The following ARHGAP24 variants were observed in gnomAD, a reference collection of about 807,000 sequenced individuals.
ARHGAP24 encodes the protein Rho GTPase activating protein 24.
Under a neutral mutation model 76.4 loss-of-function variants are expected in ARHGAP24, and 50 were observed. The observed-to-expected ratio is 0.65, with a 90% CI of 0.52 to 0.83. The LOEUF (loss-of-function observed/expected upper bound fraction) is 0.83. Ranked by LOEUF, ARHGAP24 falls within the 40% of genes least tolerant of loss-of-function variation. ARHGAP24 has a pLI of 0.00. For missense variants in ARHGAP24, 930 were observed against 914.2 expected, an observed-to-expected ratio of 1.02 and a Z score of -0.22; for synonymous variants, 345 against 323.3, an observed-to-expected ratio of 1.07 and a Z score of -0.72.
intron 1 of ARHGAP24, among the ~76,000 whole-genome samples, chr4:85,560,294 G>T (rs55856244): frequency 0.019 from 2,897 of 151,730 alleles, 92 homozygotes; most frequent in African/African-American, 0.066. Context: ...TTTCTCTCTA[G>T]TTGAATTAAA....
At chr4:85,854,717 G>A (rs1473871924) in intron 3 of ARHGAP24, among the ~76,000 whole-genome samples, 1 of 152,186 alleles carries the variant, frequency 6.6e-6, no homozygotes, top group African/African-American at 2.4e-5. Flanking sequence ...TTCTGAGCCA[G>A]AGAGTGAGTT....
At chr4:85,690,320 T>C (rs1334808297) in intron 2 of ARHGAP24, among the ~76,000 whole-genome samples, 3 of 152,310 alleles carry the variant, frequency 2.0e-5, no homozygotes, top group South Asian at 4.1e-4. Flanking sequence ...TGATTCCAGC[T>C]CATAGAATGA....
chr4:85,768,650 C>T (rs929256828), intron 3 of ARHGAP24, among the ~76,000 whole-genome samples: 1 of 151,990 alleles, frequency 6.6e-6, no homozygotes, highest in African/African-American at 2.4e-5. Flanking sequence ...TGGTGGCGCA[C>T]GCCTGTATCC....
At chr4:85,485,376 A>AAAT (rs1723001883) in intron 1 of ARHGAP24, among the ~76,000 whole-genome samples, 1 of 45,060 alleles carries the variant, frequency 2.2e-5, no homozygotes, top group Non-Finnish European at 3.7e-5. Context: ...AAAAAAAAAA[A>AAAT]ATATATATAT....
intron 5 of ARHGAP24, among the ~76,000 whole-genome samples, chr4:85,954,883 G>A (rs930643698): frequency 9.8e-5 from 15 of 152,342 alleles, no homozygotes; most frequent in African/African-American, 3.6e-4. Flanking sequence ...GGTGGCGCAT[G>A]CCTGTAATCC....
chr4:85,722,876 A>G (rs1457869672), intron 3 of ARHGAP24, among the ~76,000 whole-genome samples: 1 of 152,138 alleles, frequency 6.6e-6, no homozygotes, highest in Non-Finnish European at 1.5e-5. Context: ...TTTTTCCTAT[A>G]TTTATATTAA....
intron 3 of ARHGAP24, chr4:85,723,686 C>A (rs1241547684): frequency 6.6e-6 from 1 of 152,102 alleles, no homozygotes; most frequent in Non-Finnish European, 1.5e-5. Context: ...TTTTATAATT[C>A]TAAATCATCT....
intron 3 of ARHGAP24, among the ~76,000 whole-genome samples, chr4:85,906,906 T>C (rs1473010): frequency 0.65 from 98,239 of 151,924 alleles, 32,544 homozygotes; most frequent in East Asian, 0.99. Flanking sequence ...ATTTGTAAAT[T>C]GGGGAGACAT....
intron 3 of ARHGAP24, among the ~76,000 whole-genome samples, chr4:85,867,926 C>T (rs1400165111): frequency 3.4e-5 from 3 of 88,808 alleles, no homozygotes; most frequent in Non-Finnish European, 4.8e-5. Context: ...TGTACACACA[C>T]ACAAACCAAA....
In ARHGAP24 at chr4:85,941,620, A is replaced by G. The variant is rs538448560; in HGVS notation, c.392-446A>G. The stretch of plus-strand genomic sequence containing the variant: ...CAACTTGAGTAAAAACAAAAGGGGA[A>G]AAAAGAAATAGGATTTAAATGCAAA... On this transcript the variant is annotated intron_variant, in intron 4 of 9. Coordinates refer to ENST00000395184, the MANE Select transcript of ARHGAP24 (RefSeq NM_001025616.3). Among the ~76,000 whole-genome samples, 135 of 152,336 alleles carry G rather than the reference A, an allele frequency of 8.9e-4. 7 individuals are homozygous for G. The South Asian group carries it at 0.027, about 30-fold the overall frequency.
intron 1 of ARHGAP24, among the ~76,000 whole-genome samples, chr4:85,541,902 A>G (rs909455253): frequency 1.3e-5 from 2 of 152,002 alleles, no homozygotes; most frequent in African/African-American, 4.8e-5. Flanking sequence ...GACCTAGTAC[A>G]CTATTAGAAA....
At chr4:85,691,600 T>G (rs769593061) in intron 2 of ARHGAP24, among the ~76,000 whole-genome samples, 25 of 152,218 alleles carry the variant, frequency 1.6e-4, no homozygotes, top group Non-Finnish European at 8.8e-5. Context: ...GATGCCCTTC[T>G]TTGTCCTTCT....
rs1723050787 is a variant in ARHGAP24 at position 85,678,066 on chromosome 4, A to T, written c.181-43819A>T. 3.3e-5 allele frequency among the ~76,000 whole-genome samples: 5 copies of T among 151,846 alleles called. 1 individual carries two copies. In the South Asian group the frequency reaches 1.0e-3, roughly 32 times the overall value. On this transcript the variant is annotated intron_variant, in intron 2 of 9. Coordinates refer to ENST00000395184, the MANE Select transcript of ARHGAP24 (RefSeq NM_001025616.3). ...GAAAAAAAAAAGAAAAAGGAAAAAA[A>T]TTTTAAAAAAAGGCTATTCCTGGCC...
At chr4:85,493,735 G>A (rs1013146978) in intron 1 of ARHGAP24, among the ~76,000 whole-genome samples, 1 of 152,174 alleles carries the variant, frequency 6.6e-6, no homozygotes, top group African/African-American at 2.4e-5. Flanking sequence ...TTAAAGAATA[G>A]AATTTAGAAA....
intron 3 of ARHGAP24, among the ~76,000 whole-genome samples, chr4:85,913,635 C>T (rs906004894): frequency 2.7e-4 from 41 of 152,028 alleles, no homozygotes; most frequent in Admixed American, 1.3e-4. Flanking sequence ...ACTGCTGTAT[C>T]CTCAGAACTA....
chr4:85,947,683 A>T (rs994303451), intron 5 of ARHGAP24, among the ~76,000 whole-genome samples: 4 of 152,228 alleles, frequency 2.6e-5, no homozygotes, highest in Non-Finnish European at 4.4e-5. Flanking sequence ...GCATTCATGC[A>T]GGCAATTTCA....
At chr4:85,857,516 C>A (rs1255060965) in intron 3 of ARHGAP24, among the ~76,000 whole-genome samples, 1 of 151,940 alleles carries the variant, frequency 6.6e-6, no homozygotes, top group Non-Finnish European at 1.5e-5. Context: ...TTTTTGGTTT[C>A]CCCCAACCCA....
intron 2 of ARHGAP24, among the ~76,000 whole-genome samples, chr4:85,634,082 A>C (rs1469988644): frequency 2.0e-5 from 3 of 151,888 alleles, no homozygotes; most frequent in African/African-American, 7.2e-5. Flanking sequence ...AGTAATTAGC[A>C]GTCTCATTCA....
intron 1 of ARHGAP24, among the ~76,000 whole-genome samples, chr4:85,532,472 C>A (rs1043239893): frequency 3.3e-5 from 5 of 152,090 alleles, no homozygotes; most frequent in African/African-American, 7.2e-5. Context: ...CTATATAATG[C>A]TCTTCAGATA....
Sources: allele counts gnomAD v4.1 joint callset (sites outside exome capture counted in the v4.1 genomes callset), GRCh38; gene constraint gnomAD v4.1.1; transcripts MANE v1.5; gene names NCBI Gene and HGNC (gene_info 2026-07-23, HGNC 2026-07-21).